The following EXT1 variants were observed in gnomAD, a reference collection of about 807,000 sequenced individuals.
EXT1 encodes exostosin-1.
EXT1 carries 20 observed loss-of-function variants against 82.5 expected under a neutral mutation model. The ratio of observed to expected loss-of-function variants is 0.24; its 90% CI spans 0.17 to 0.35. The LOEUF is 0.35. Ranked by LOEUF, EXT1 falls within the 10% of genes least tolerant of loss-of-function variation. EXT1 has a pLI of 1.00. For synonymous variants in EXT1, 348 were observed against 350.8 expected (o/e 0.99, Z 0.09); for missense variants, 757 against 936.5 (o/e 0.81, Z 2.50).
chr8:118,093,462 G>C (rs1817558537), intron 1 of EXT1, among the ~76,000 whole-genome samples: 1 of 152,002 alleles, frequency 6.6e-6, no homozygotes, highest in Non-Finnish European at 1.5e-5. Flanking sequence ...GTCTCTTTTT[G>C]AACAGTGGAT....
chr8:117,917,451 T>C (rs928066705), intron 1 of EXT1, among the ~76,000 whole-genome samples: 2 of 152,062 alleles, frequency 1.3e-5, no homozygotes, highest in Admixed American at 6.5e-5. Context: ...GACGACAGAG[T>C]GAGACGCCAT....
intron 1 of EXT1, among the ~76,000 whole-genome samples, chr8:117,944,125 G>A (rs1293963306): frequency 6.6e-6 from 1 of 152,158 alleles, no homozygotes; most frequent in African/African-American, 2.4e-5. Flanking sequence ...AATCTGGCAG[G>A]GCATGGTAGC....
chr8:117,799,206 A>T lies in EXT1; in HGVS notation c.*506T>A, dbSNP rs1380379499. ...TGGCAAAGTTGAATAATGAAGTTAC[A>T]ACTTATGCTCAGTTATTTCTTGATA... is the stretch of plus-strand genomic sequence containing the variant. On this transcript the variant is annotated 3_prime_UTR_variant, in exon 11 of 11. Coordinates refer to ENST00000378204, the MANE Select transcript of EXT1 (RefSeq NM_000127.3). 1 of 164,914 alleles carries T rather than the reference A, an allele frequency of 6.1e-6. No homozygotes were observed. The highest frequency in any genetic ancestry group is 1.3e-5 in the Non-Finnish European group (1 of 75,522). 10.2% of individuals were successfully genotyped at this position (164,914 alleles called of 1,614,324 possible). A position where few individuals can be genotyped will look rare whatever the true frequency, so the allele number is the denominator to read the frequency against.
intron 1 of EXT1, among the ~76,000 whole-genome samples, chr8:118,077,199 T>G (rs1437474355): frequency 5.9e-5 from 9 of 152,182 alleles, no homozygotes; most frequent in Non-Finnish European, 1.2e-4. Flanking sequence ...ATGAAAAAGG[T>G]CACCAATGAG....
At position 117,930,356 on chromosome 8, in the gene EXT1, G is replaced by GC. The variant is rs1814033841; in HGVS notation, c.963-93156dup. On this transcript the variant is annotated intron_variant, in intron 1 of 10. Coordinates refer to ENST00000378204, the MANE Select transcript of EXT1 (RefSeq NM_000127.3). ...CCCCAGGCTATGAAGACAGGCTTAA[G>GC]CAACTAAATGCAAATTAATTACTTT... Among the ~76,000 whole-genome samples the GC allele has an allele frequency of 4.6e-5, 7 of 151,612 alleles. 1 individual carries two copies. The highest frequency in any genetic ancestry group is 1.7e-4 in the African/African-American group (7 of 41,234).
At position 117,807,281 on chromosome 8, in the gene EXT1, C is replaced by T. The variant is rs1823253013; in HGVS notation, c.1819G>A (p.Gly607Arg). Residue 607 changes from glycine (G) to arginine (R), a missense_variant, in exon 9 of 11, where the codon GGA (glycine) becomes AGA (arginine). Gly to Arg is a moderately radical substitution (Grantham distance 125, BLOSUM62 -2). Around this residue, in one of 4 missense-constraint regions of EXT1, gnomAD observed 128 missense variants for 223.2 expected, o/e 0.57. Coordinates refer to ENST00000378204, the MANE Select transcript of EXT1 (RefSeq NM_000127.3). ...HFWDNSKERW[G>R]YTSKWTNDYS... ...TCGTTCGTCCACTTTGATGTGTATC[C>T]CCACCGCTCCTTAGAGTTATCCCAG... The T allele has an allele frequency of 6.2e-7, 1 of 1,614,130 alleles. No individual in the cohort carries two copies. The highest frequency in any genetic ancestry group is 1.1e-5 in the South Asian group (1 of 91,084).
intron 1 of EXT1, among the ~76,000 whole-genome samples, chr8:118,031,314 A>C (rs1308414962): frequency 6.6e-6 from 1 of 152,074 alleles, no homozygotes; most frequent in Non-Finnish European, 1.5e-5. Context: ...AGAGGTCAGG[A>C]GTTTGTTTGA....
intron 1 of EXT1, among the ~76,000 whole-genome samples, chr8:117,867,478 G>A (rs1812795103): frequency 6.6e-6 from 1 of 152,114 alleles, no homozygotes; most frequent in Non-Finnish European, 1.5e-5. Context: ...GGTGGTTTGT[G>A]TGAACTGGCT....
chr8:117,903,207 G>A (rs1813482173), intron 1 of EXT1, among the ~76,000 whole-genome samples: 1 of 152,202 alleles, frequency 6.6e-6, no homozygotes, highest in African/African-American at 2.4e-5. Flanking sequence ...AGCTATATTT[G>A]AAGGTTCAAA....
intron 1 of EXT1, among the ~76,000 whole-genome samples, chr8:118,108,643 G>A (rs1817838623): frequency 6.6e-6 from 1 of 152,120 alleles, no homozygotes; most frequent in Non-Finnish European, 1.5e-5. Flanking sequence ...AAAAGGTATT[G>A]GGGGTTGGAA....
chr8:118,013,835 C>T (rs868054263), intron 1 of EXT1, among the ~76,000 whole-genome samples: 11 of 152,146 alleles, frequency 7.2e-5, no homozygotes, highest in Non-Finnish European at 2.9e-5. Flanking sequence ...ATTTATATGA[C>T]AATCAAATTT....
At chr8:117,899,557 C>G (rs10106675) in intron 1 of EXT1, among the ~76,000 whole-genome samples, 7 of 151,946 alleles carry the variant, frequency 4.6e-5, no homozygotes, top group Admixed American at 1.3e-4. Flanking sequence ...CTCTTAAAAG[C>G]TGCTTTCGGA....
chr8:117,911,461 C>G (rs1813645292), intron 1 of EXT1, among the ~76,000 whole-genome samples: 1 of 152,126 alleles, frequency 6.6e-6, no homozygotes, highest in Admixed American at 6.6e-5. Flanking sequence ...GAGTCTAAAT[C>G]CCATCAATGA....
intron 1 of EXT1, among the ~76,000 whole-genome samples, chr8:117,897,709 C>T (rs1391840706): frequency 1.3e-5 from 2 of 150,692 alleles, no homozygotes; most frequent in African/African-American, 4.9e-5. Flanking sequence ...ATTCTCCCGC[C>T]TCAGCCTTCC....
At chr8:117,920,167 C>T (rs10098363) in intron 1 of EXT1, among the ~76,000 whole-genome samples, 83,941 of 151,906 alleles carry the variant, frequency 0.55, 25,052 homozygotes, top group Middle Eastern at 0.77. Context: ...TGCAGTGACG[C>T]GATCTCGGCT....
chr8:118,039,570 A>T (rs557806147), intron 1 of EXT1, among the ~76,000 whole-genome samples: 73 of 151,590 alleles, frequency 4.8e-4, no homozygotes, highest in African/African-American at 1.6e-3. Context: ...AAAAAAAAAA[A>T]AAAAAAAAAA....
At chr8:118,087,050 T>G (rs529839439) in intron 1 of EXT1, among the ~76,000 whole-genome samples, 1 of 152,312 alleles carries the variant, frequency 6.6e-6, no homozygotes, top group African/African-American at 2.4e-5. Flanking sequence ...CTTGCAGCAA[T>G]GGACACACAA....
At chr8:117,923,257 G>C (rs1165933594) in intron 1 of EXT1, among the ~76,000 whole-genome samples, 1 of 152,058 alleles carries the variant, frequency 6.6e-6, no homozygotes, top group African/African-American at 2.4e-5. Context: ...GGAGGTGGAG[G>C]TTGCAGTGAG....
intron 1 of EXT1, among the ~76,000 whole-genome samples, chr8:117,852,675 G>A (rs1812475223): frequency 6.6e-6 from 1 of 152,086 alleles, no homozygotes; most frequent in Admixed American, 6.6e-5. Context: ...AAGCCCATAT[G>A]GACAAAATTG....
Sources: allele counts gnomAD v4.1 joint callset (sites outside exome capture counted in the v4.1 genomes callset), GRCh38; gene constraint gnomAD v4.1.1; regional missense constraint gnomAD v4.1.1; transcripts MANE v1.5; gene names NCBI Gene and HGNC (gene_info 2026-07-23, HGNC 2026-07-21).